Variants in PAX5 observed in about 807,000 individuals in gnomAD.
The protein encoded by PAX5 is paired box 5, also known as paired box protein Pax-5.
A neutral mutation model predicts 43.7 loss-of-function variants in PAX5; 9 were observed. That is an observed-to-expected ratio of 0.21 (90% confidence interval 0.12 to 0.36). The LOEUF (loss-of-function observed/expected upper bound fraction) is 0.36. PAX5 is among the 10% of genes least tolerant of loss of function. PAX5 has a pLI of 1.00. For synonymous variants in PAX5, 228 were observed against 214.3 expected, an observed-to-expected ratio of 1.06 and a Z score of -0.56; for missense variants, 383 against 532.7, an observed-to-expected ratio of 0.72 and a Z score of 2.77.
intron 3 of PAX5, among the ~76,000 whole-genome samples, chr9:37,012,875 A>G (rs754671531): frequency 3.9e-5 from 6 of 152,178 alleles, no homozygotes; most frequent in Non-Finnish European, 8.8e-5. Context: ...ATTATAGAGG[A>G]TGTAAACCGA....
chr9:36,951,517 G>A (rs1833007987), intron 6 of PAX5, among the ~76,000 whole-genome samples: 1 of 152,120 alleles, frequency 6.6e-6, no homozygotes. Context: ...TATATCATCT[G>A]ATAATGAGAT....
At chr9:36,955,579 C>T (rs138369768) in intron 6 of PAX5, among the ~76,000 whole-genome samples, 320 of 151,980 alleles carry the variant, frequency 2.1e-3, no homozygotes, top group African/African-American at 7.2e-3. Flanking sequence ...GTTCCCACTC[C>T]TATATATCAC....
intron 3 of PAX5, among the ~76,000 whole-genome samples, chr9:37,009,749 G>C (rs573547006): frequency 6.6e-6 from 1 of 152,110 alleles, no homozygotes; most frequent in Admixed American, 6.5e-5. Flanking sequence ...TTCATGGTGG[G>C]TTATTACTCA....
At chr9:37,000,829 G>A (rs547410254) in intron 5 of PAX5, among the ~76,000 whole-genome samples, 1 of 152,278 alleles carries the variant, frequency 6.6e-6, no homozygotes, top group Non-Finnish European at 1.5e-5. Context: ...CACACTTTAA[G>A]GCCATGCAAT....
chr9:36,910,845 A>G lies in PAX5; in HGVS notation c.910+12510T>C, dbSNP rs75650770. On this transcript the variant is annotated intron_variant, in intron 7 of 9. Transcript: ENST00000358127. Reference sequence around the variant, plus strand: ...ACCTCTATGCTTTCCTCTAACTCCAAGAGCCCTCGAAGCCTGATTTATGGG... The same window carrying G: ...ACCTCTATGCTTTCCTCTAACTCCAGGAGCCCTCGAAGCCTGATTTATGGG... Among the ~76,000 whole-genome samples, 987 of 152,342 alleles carry G rather than the reference A, an allele frequency of 6.5e-3. 12 individuals are homozygous for G. The highest frequency in any genetic ancestry group is 0.022 in the African/African-American group (910 of 41,572).
chr9:36,833,529 A>G lies in PAX5; in HGVS notation c.*7031T>C, dbSNP rs967700602. 4.5e-6 allele frequency: 1 copy of G among 222,274 alleles called. No homozygotes were observed. Among genetic ancestry groups the G allele is most frequent in the African/African-American group, 2.3e-5 (1 of 44,224 alleles). 13.8% of individuals were successfully genotyped at this position (222,274 alleles called of 1,614,324 possible). A position where few individuals can be genotyped will look rare whatever the true frequency, so the allele number is the denominator to read the frequency against. Reference sequence around the variant, plus strand: ...TCAGGTTTGACAAGGAAAAAAAAGTAAAAAAAAAATTAAACCAAAACCCCA... The same window carrying G: ...TCAGGTTTGACAAGGAAAAAAAAGTGAAAAAAAAATTAAACCAAAACCCCA... On this transcript the variant is annotated 3_prime_UTR_variant, in exon 10 of 10. Transcript: ENST00000358127.
chr9:37,030,720 C>T (rs1840897360), intron 1 of PAX5, among the ~76,000 whole-genome samples: 1 of 152,252 alleles, frequency 6.6e-6, no homozygotes, highest in East Asian at 1.9e-4. Flanking sequence ...GACCTCGTTT[C>T]ACTGGGGACA....
chr9:36,895,743 G>A (rs1587900428), intron 7 of PAX5, among the ~76,000 whole-genome samples: 1 of 152,328 alleles, frequency 6.6e-6, no homozygotes, highest in Admixed American at 6.5e-5. Context: ...CAGAAAATGT[G>A]ACAGGTTGGG....
chr9:36,944,893 G>T (rs1832362590), intron 6 of PAX5, among the ~76,000 whole-genome samples: 1 of 152,248 alleles, frequency 6.6e-6, no homozygotes, highest in East Asian at 1.9e-4. Flanking sequence ...CCGGAGGGAT[G>T]CTGCTCTGTG....
chr9:36,931,850 CAAA>C (rs35505557), intron 6 of PAX5, among the ~76,000 whole-genome samples: 311 of 121,252 alleles, frequency 2.6e-3, no homozygotes, highest in Middle Eastern at 4.1e-3. Context: ...GACTCTGTCT[CAAA>C]AAAAAAAAAA....
At chr9:36,907,606 T>A (rs575540419) in intron 7 of PAX5, among the ~76,000 whole-genome samples, 45 of 152,294 alleles carry the variant, frequency 3.0e-4, no homozygotes, top group African/African-American at 1.1e-3. Flanking sequence ...AGGGAAAAAG[T>A]CCATGCTGGT....
intron 6 of PAX5, among the ~76,000 whole-genome samples, chr9:36,937,461 C>T (rs766867283): frequency 5.3e-5 from 8 of 152,134 alleles, no homozygotes; most frequent in East Asian, 3.8e-4. Context: ...GTTGCAGAGC[C>T]GGGGGTTAAA....
intron 1 of PAX5, among the ~76,000 whole-genome samples, chr9:37,033,651 ACT>A (rs753194047): frequency 4.6e-5 from 7 of 151,856 alleles, no homozygotes; most frequent in Non-Finnish European, 8.8e-5. Context: ...TTGGACACAA[ACT>A]CATATATTTT....
In PAX5 at chr9:36,876,169, G is replaced by A. The variant is rs1315427562; in HGVS notation, c.1012+5835C>T. On this transcript the variant is annotated intron_variant, in intron 8 of 9. Transcript: ENST00000358127. ...TCTCACTCCCCCTGTGGTGTTCAGTGGACCCTGTGCCTTCCCGGCCCACAA... is the reference window on the plus strand; with the variant it reads ...TCTCACTCCCCCTGTGGTGTTCAGTAGACCCTGTGCCTTCCCGGCCCACAA... Among the ~76,000 whole-genome samples, 3 of 152,218 alleles carry A rather than the reference G, an allele frequency of 2.0e-5. No individual in the cohort carries two copies. In the East Asian group the frequency reaches 5.8e-4, roughly 29 times the overall value.
At chr9:36,923,621 A>G in intron 6 of PAX5, 137 bp from the exon 7 acceptor site, 1 of 934,470 alleles carries the variant, frequency 1.1e-6, no homozygotes. Context: ...GCTCATGAAC[A>G]CTTCCAGTGT....
chr9:36,993,146 A>G (rs1462440398), intron 5 of PAX5, among the ~76,000 whole-genome samples: 2 of 152,260 alleles, frequency 1.3e-5, no homozygotes, highest in African/African-American at 4.8e-5. Context: ...AGCAGCAGCT[A>G]TGAGAGTCCA....
chr9:37,010,816 G>T (rs1425996093), intron 3 of PAX5, among the ~76,000 whole-genome samples: 1 of 152,176 alleles, frequency 6.6e-6, no homozygotes, highest in Non-Finnish European at 1.5e-5. Context: ...GTGCCAAGCT[G>T]CAAGGGGCCC....
intron 9 of PAX5, among the ~76,000 whole-genome samples, chr9:36,842,753 C>T (rs1192904240): frequency 3.3e-5 from 5 of 152,150 alleles, no homozygotes; most frequent in Admixed American, 1.3e-4. Flanking sequence ...CCTAATTGAC[C>T]GCAGCCGGCC....
chr9:36,960,905 C>A (rs1487581750), intron 6 of PAX5, among the ~76,000 whole-genome samples: 3 of 152,228 alleles, frequency 2.0e-5, no homozygotes, highest in Admixed American at 2.0e-4. Flanking sequence ...TCTGCTATTG[C>A]CACGGGGCTG....
Sources: allele counts gnomAD v4.1 joint callset (sites outside exome capture counted in the v4.1 genomes callset), GRCh38; gene constraint gnomAD v4.1.1; transcripts MANE v1.5; gene names NCBI Gene and HGNC (gene_info 2026-07-23, HGNC 2026-07-21).